PTH2R: variants seen among roughly 807,000 people sequenced by gnomAD.
The protein encoded by PTH2R is PTH2 receptor.
In PTH2R, 59 loss-of-function variants were observed where a neutral mutation model predicts 60.3. That is an observed-to-expected ratio of 0.98 (90% CI 0.79 to 1.22). PTH2R has a LOEUF of 1.22. PTH2R is among the 50% of genes most tolerant of loss of function. The pLI, the probability that PTH2R is intolerant of heterozygous loss-of-function variation, is 0.00. For missense variants in PTH2R, 749 were observed against 682.6 expected, an observed-to-expected ratio of 1.10 and a Z score of -1.08; for synonymous variants, 256 against 243.8, an observed-to-expected ratio of 1.05 and a Z score of -0.47.
intron 1 of PTH2R, among the ~76,000 whole-genome samples, chr2:208,411,226 C>T: frequency 6.6e-6 from 1 of 152,162 alleles, no homozygotes; most frequent in East Asian, 1.9e-4. Flanking sequence ...ATATAGGCAG[C>T]TTCTCCAAAG....
At chr2:208,408,569 G>A (rs1373861248) in intron 1 of PTH2R, among the ~76,000 whole-genome samples, 1 of 151,912 alleles carries the variant, frequency 6.6e-6, no homozygotes, top group African/African-American at 2.4e-5. Context: ...GCTCACGCCT[G>A]TAATCCCAGA....
chr2:208,477,980 C>CTACTACTAGTACTAGT lies in PTH2R; in HGVS notation c.982-3090_982-3089insTACTACTAGTACTAGT, dbSNP rs1559231947. On this transcript the variant is annotated intron_variant, in intron 9 of 12. Transcript: ENST00000272847. ...CTACTACTAGTACTAGTACTACTAG[C>CTACTACTAGTACTAGT]ACTACTACTAGTACTAGTACTACTA... Among the ~76,000 whole-genome samples the CTACTACTAGTACTAGT allele has an allele frequency of 4.8e-3, 308 of 64,288 alleles. 1 individual carries two copies. Among genetic ancestry groups the CTACTACTAGTACTAGT allele is most frequent in the African/African-American group, 9.5e-3 (288 of 30,474 alleles). 42.2% of individuals were successfully genotyped at this position (64,288 alleles called of 152,430 possible). A position where few individuals can be genotyped will look rare whatever the true frequency, so the allele number is the denominator to read the frequency against.
intron 1 of PTH2R, among the ~76,000 whole-genome samples, chr2:208,380,302 A>G (rs1050684951): frequency 6.6e-6 from 1 of 152,122 alleles, no homozygotes; most frequent in African/African-American, 2.4e-5. Flanking sequence ...TAAATTCACA[A>G]GATGCTTGTA....
At chr2:208,396,455 A>C (rs1409471015) in intron 1 of PTH2R, among the ~76,000 whole-genome samples, 1 of 152,178 alleles carries the variant, frequency 6.6e-6, no homozygotes, top group Non-Finnish European at 1.5e-5. Flanking sequence ...GAACTTAAAC[A>C]AATTTACAAG....
At chr2:208,481,038 A>C in intron 9 of PTH2R, 32 bp from the exon 10 acceptor site, 2 of 1,429,928 alleles carry the variant, frequency 1.4e-6, no homozygotes, top group South Asian at 2.4e-5. Context: ...AAGACTAACA[A>C]TAATTCTTTG....
intron 9 of PTH2R, among the ~76,000 whole-genome samples, chr2:208,464,816 C>G (rs1042542260): frequency 2.6e-5 from 4 of 152,092 alleles, no homozygotes; most frequent in African/African-American, 4.8e-5. Context: ...GGGTTCAAGA[C>G]CAGCCTGGGC....
intron 9 of PTH2R, among the ~76,000 whole-genome samples, chr2:208,470,181 A>G (rs771870414): frequency 2.0e-5 from 3 of 152,244 alleles, no homozygotes; most frequent in Non-Finnish European, 4.4e-5. Flanking sequence ...TGGTACTAGC[A>G]GAAACCTGAG....
At chr2:208,431,185 T>C (rs1335504076) in intron 2 of PTH2R, among the ~76,000 whole-genome samples, 1 of 152,226 alleles carries the variant, frequency 6.6e-6, no homozygotes, top group Non-Finnish European at 1.5e-5. Context: ...AGCTCTTTGT[T>C]CAGCTTTGTC....
At chr2:208,392,718 A>G (rs983319287) in intron 1 of PTH2R, among the ~76,000 whole-genome samples, 1 of 152,232 alleles carries the variant, frequency 6.6e-6, no homozygotes, top group Non-Finnish European at 1.5e-5. Flanking sequence ...TACTAAAGGA[A>G]GAGGGAAGGC....
chr2:208,434,554 A>G (rs1702036035), intron 2 of PTH2R, among the ~76,000 whole-genome samples: 1 of 152,210 alleles, frequency 6.6e-6, no homozygotes, highest in African/African-American at 2.4e-5. Flanking sequence ...TTAAAACTAT[A>G]TAATTATAGA....
Position 208,493,450 on chromosome 2 carries a change from G to T in PTH2R, c.1444G>T (p.Ala482Ser), listed in dbSNP as rs559527804. 2.4e-5 allele frequency: 39 copies of T among 1,610,012 alleles called. No homozygotes were observed. The South Asian group carries it at 3.9e-4, about 16-fold the overall frequency. ...VLISGKAAKI[A>S]SRQPDSHITL... ...TATCTCTGGCAAAGCTGCCAAGATC[G>T]CCAGCAGACAGCCTGACAGCCACAT... The change falls in exon 13 of 13, where the codon GCC becomes TCC. Residue 482 changes from alanine to serine, a missense_variant. Physicochemically the swap from Ala to Ser is moderately conservative, Grantham distance 99. Coordinates refer to ENST00000272847, the MANE Select transcript of PTH2R (RefSeq NM_005048.4).
intron 9 of PTH2R, among the ~76,000 whole-genome samples, chr2:208,461,218 C>T (rs1294064304): frequency 1.3e-5 from 2 of 152,072 alleles, no homozygotes; most frequent in Non-Finnish European, 2.9e-5. Context: ...TGGATGAATG[C>T]ATGGCTTAAA....
chr2:208,485,957 C>T (rs1428895465), intron 10 of PTH2R, among the ~76,000 whole-genome samples: 1 of 152,192 alleles, frequency 6.6e-6, no homozygotes, highest in Non-Finnish European at 1.5e-5. Context: ...GGGCCTATAG[C>T]TAGAACCTGA....
At chr2:208,493,113 TGA>T in intron 12 of PTH2R, 149 bp from the exon 13 acceptor site, 1 of 826,078 alleles carries the variant, frequency 1.2e-6, no homozygotes, top group Non-Finnish European at 1.7e-6. Context: ...TTTTTGAGGT[TGA>T]GAGAAAGTCA....
At chr2:208,361,761 CTTT>C (rs80313864) in intron 1 of PTH2R, among the ~76,000 whole-genome samples, 33 of 144,408 alleles carry the variant, frequency 2.3e-4, no homozygotes, top group African/African-American at 7.9e-4. Context: ...TCAAGATTTC[CTTT>C]TTTTTTTTTA....
chr2:208,372,679 A>C (rs759189116), intron 1 of PTH2R, among the ~76,000 whole-genome samples: 10 of 152,152 alleles, frequency 6.6e-5, no homozygotes, highest in Non-Finnish European at 1.3e-4. Flanking sequence ...TACTCTAGGC[A>C]ATAGTTACAA....
intron 1 of PTH2R, among the ~76,000 whole-genome samples, chr2:208,387,359 C>T (rs1183340997): frequency 6.6e-6 from 1 of 152,074 alleles, no homozygotes; most frequent in African/African-American, 2.4e-5. Flanking sequence ...CCTAAATGCA[C>T]ATACAGGCAT....
At chr2:208,380,935 G>C (rs1700902245) in intron 1 of PTH2R, among the ~76,000 whole-genome samples, 1 of 152,050 alleles carries the variant, frequency 6.6e-6, no homozygotes, top group African/African-American at 2.4e-5. Flanking sequence ...TGGATGCTCT[G>C]ATTCCTCTTG....
intron 8 of PTH2R, among the ~76,000 whole-genome samples, chr2:208,452,894 C>T (rs1702434023): frequency 6.6e-6 from 1 of 152,132 alleles, no homozygotes; most frequent in African/African-American, 2.4e-5. Context: ...GATATTCAGG[C>T]TCTAGAGGCA....
Sources: gnomAD v4.1 joint callset for allele counts (sites outside exome capture counted in the v4.1 genomes callset) on GRCh38, gnomAD v4.1.1 for gene constraint, MANE v1.5 for transcripts, NCBI Gene and HGNC (gene_info 2026-07-23, HGNC 2026-07-21) for gene names.